The following DIAPH1 variants were observed in gnomAD, a reference collection of about 807,000 sequenced individuals.
DIAPH1 encodes the protein diaphanous related formin 1.
A neutral mutation model predicts 140.7 loss-of-function variants in DIAPH1; 46 were observed. The ratio of observed to expected loss-of-function variants is 0.33; its 90% CI spans 0.26 to 0.42. The LOEUF is 0.42. DIAPH1 is among the 10% of genes least tolerant of loss of function. The probability of loss-of-function intolerance (pLI) is 1.00; values close to 1 mark genes in which losing one functional copy is unlikely to be tolerated. For missense variants in DIAPH1, 1,310 were observed against 1,558.7 expected, an observed-to-expected ratio of 0.84 and a Z score of 2.69; for synonymous variants, 565 against 551.6, an observed-to-expected ratio of 1.02 and a Z score of -0.34.
Position 141,515,126 on chromosome 5 carries a change from C to G in DIAPH1, c.*1725G>C, listed in dbSNP as rs1338209745. On this transcript the variant is annotated 3_prime_UTR_variant, in exon 28 of 28. Transcript: ENST00000389054. ...AGGGAAATAGGTTTGCATTTTGTCC[C>G]TCACACCTCTCTCTCTCTCTCTTTT... 1.3e-5 allele frequency: 2 copies of G among 152,598 alleles called. No individual in the cohort carries two copies. Among genetic ancestry groups the G allele is most frequent in the African/African-American group, 4.8e-5 (2 of 41,440 alleles). 9.5% of individuals were successfully genotyped at this position (152,598 alleles called of 1,614,324 possible).
At chr5:141,586,258 G>A (rs1179318829) in intron 3 of DIAPH1, among the ~76,000 whole-genome samples, 1 of 152,202 alleles carries the variant, frequency 6.6e-6, no homozygotes, top group Non-Finnish European at 1.5e-5. Context: ...AATATTAAGA[G>A]ACAAACTGAA....
chr5:141,600,933 T>C (rs564113251), intron 1 of DIAPH1, among the ~76,000 whole-genome samples: 1 of 152,256 alleles, frequency 6.6e-6, no homozygotes, highest in Non-Finnish European at 1.5e-5. Flanking sequence ...TGTAGGAACA[T>C]GGATGAAGCT....
At chr5:141,606,907 T>C (rs1286102515) in intron 1 of DIAPH1, among the ~76,000 whole-genome samples, 4 of 148,312 alleles carry the variant, frequency 2.7e-5, no homozygotes, top group Non-Finnish European at 4.4e-5. Context: ...CAGTCTCCTA[T>C]ATTAGATCAC....
intron 1 of DIAPH1, chr5:141,618,534 T>C: frequency 2.8e-6 from 1 of 362,808 alleles, no homozygotes; most frequent in Non-Finnish European, 5.1e-6. Flanking sequence ...CGGCCGGGGA[T>C]ATGCGGGCGG....
chr5:141,573,959 G>T lies in DIAPH1; in HGVS notation c.1891C>A (p.Pro631Thr), dbSNP rs769926497. The T allele has an allele frequency of 1.3e-6, 2 of 1,551,812 alleles. No homozygotes were observed. Among genetic ancestry groups the T allele is most frequent in the African/African-American group, 1.4e-5 (1 of 72,960 alleles). ...ATAGCAGTACCTCCAGGTAAAGAAG[G>T]GGGTGAGGAGATGCAAACACCCCCA... ...LPGGVCISSP[P>T]SLPGGTAISP... Residue 631 changes from proline to threonine, a missense_variant, in exon 16 of 28, where the codon CCT becomes ACT. Coordinates refer to ENST00000389054, the MANE Select transcript of DIAPH1 (RefSeq NM_005219.5).
At chr5:141,518,673 C>A in intron 27 of DIAPH1, 1 of 469,810 alleles carries the variant, frequency 2.1e-6, no homozygotes, top group South Asian at 2.6e-5. Context: ...TAAGCATGTG[C>A]CACCATATCT....
intron 18 of DIAPH1, among the ~76,000 whole-genome samples, chr5:141,540,369 G>A (rs1391841865): frequency 2.6e-5 from 4 of 151,700 alleles, no homozygotes; most frequent in African/African-American, 4.8e-5. Flanking sequence ...TGCAACCTAC[G>A]CCTCCCGGGT....
chr5:141,529,741 TC>T, intron 19 of DIAPH1, 44 bp from the exon 20 acceptor site: 1 of 1,554,728 alleles, frequency 6.4e-7, no homozygotes, highest in Non-Finnish European at 8.9e-7. Context: ...CTCGGTCTGT[TC>T]CCGCTTCCAA....
intron 11 of DIAPH1, chr5:141,577,887 T>C: frequency 2.0e-6 from 1 of 499,152 alleles, no homozygotes; most frequent in Non-Finnish European, 3.6e-6. Context: ...CTGAAAATAT[T>C]AACAGGTAAC....
rs1356596414 is a variant in DIAPH1 at position 141,571,447 on chromosome 5, A to G, written c.2474-11T>C. 5 of 1,610,454 alleles carry G rather than the reference A, an allele frequency of 3.1e-6. No homozygotes were observed. Among genetic ancestry groups the G allele is most frequent in the African/African-American group, 1.3e-5 (1 of 74,674 alleles). On this transcript the variant is annotated splice_polypyrimidine_tract_variant and intron_variant, in intron 17 of 27. Coordinates refer to ENST00000389054, the MANE Select transcript of DIAPH1 (RefSeq NM_005219.5). Reference sequence around the variant, plus strand: ...TCTTACCTTTGGAAGCTTCAGGAGCAAAGTGCCAGGAGGGAGAAGGCATCC... The same window carrying G: ...TCTTACCTTTGGAAGCTTCAGGAGCGAAGTGCCAGGAGGGAGAAGGCATCC...
intron 18 of DIAPH1, among the ~76,000 whole-genome samples, chr5:141,555,458 C>T (rs2099892416): frequency 6.6e-6 from 1 of 152,154 alleles, no homozygotes; most frequent in South Asian, 2.1e-4. Flanking sequence ...TTGCTGCCTT[C>T]CCAGCCTTCT....
intron 3 of DIAPH1, 107 bp downstream of exon 3, chr5:141,586,935 T>C: frequency 8.3e-7 from 1 of 1,198,972 alleles, no homozygotes; most frequent in Non-Finnish European, 1.2e-6. Context: ...ATGTTAAGCC[T>C]GGAATTCTTT....
Position 141,524,057 on chromosome 5 carries a change from T to C in DIAPH1, c.3661+86A>G, listed in dbSNP as rs1596335408. The C allele has an allele frequency of 3.6e-6, 4 of 1,107,474 alleles. No homozygotes were observed. The East Asian group carries it at 9.4e-5, about 26-fold the overall frequency. The allele number at this position is 1,107,474 out of a possible 1,614,324, so 68.6% of individuals were successfully genotyped here. A position where few individuals can be genotyped will look rare whatever the true frequency, so the allele number is the denominator to read the frequency against. Reference sequence around the variant, plus strand: ...GACTAAAAAGATGCTTAGAGCATCATTATTTGCTCTTTAGCCGCAGACTGG... The same window carrying C: ...GACTAAAAAGATGCTTAGAGCATCACTATTTGCTCTTTAGCCGCAGACTGG... On this transcript the variant is annotated intron_variant, in intron 27 of 27. Transcript: ENST00000389054.
intron 5 of DIAPH1, 89 bp downstream of exon 5, chr5:141,583,396 C>T (rs2099897065): frequency 6.2e-7 from 1 of 1,609,950 alleles, no homozygotes; most frequent in African/African-American, 1.3e-5. Context: ...AGACTATTCT[C>T]ATGCTTCCCT....
At chr5:141,602,231 T>C (rs1331662993) in intron 1 of DIAPH1, among the ~76,000 whole-genome samples, 1 of 152,198 alleles carries the variant, frequency 6.6e-6, no homozygotes, top group Non-Finnish European at 1.5e-5. Context: ...AAATTTTTTT[T>C]TTTGAGACGA....
In DIAPH1 at chr5:141,516,597, C is replaced by T. The variant is rs771538799; in HGVS notation, c.*254G>A. 163 of 547,598 alleles carry T rather than the reference C, an allele frequency of 3.0e-4. No individual in the cohort carries two copies. Among genetic ancestry groups the T allele is most frequent in the Non-Finnish European group, 4.0e-4 (120 of 303,004 alleles). The allele number at this position is 547,598 out of a possible 1,614,324, so 33.9% of individuals were successfully genotyped here. On this transcript the variant is annotated 3_prime_UTR_variant, in exon 28 of 28. Transcript: ENST00000389054. ...AGGGTTAAGGCAGCAAACATGGACCCTGCTTTGGTAATACAACAGCCAGGG... is the reference window on the plus strand; with the variant it reads ...AGGGTTAAGGCAGCAAACATGGACCTTGCTTTGGTAATACAACAGCCAGGG...
At chr5:141,562,780 C>A (rs1312540239) in intron 18 of DIAPH1, among the ~76,000 whole-genome samples, 1 of 152,144 alleles carries the variant, frequency 6.6e-6, no homozygotes, top group East Asian at 1.9e-4. Context: ...TCAGGTCCAA[C>A]AATTCCCAAA....
chr5:141,578,662 A>T, intron 9 of DIAPH1, 37 bp from the exon 10 acceptor site: 1 of 1,461,438 alleles, frequency 6.8e-7, no homozygotes, highest in Non-Finnish European at 9.6e-7. Flanking sequence ...GTCAATGCTA[A>T]CTCCTGGAGA....
intron 1 of DIAPH1, among the ~76,000 whole-genome samples, chr5:141,591,674 AAAGG>A (rs1024406247): frequency 2.8e-5 from 4 of 140,516 alleles, no homozygotes; most frequent in African/African-American, 1.1e-4. Flanking sequence ...TTTAGATGGA[AAAGG>A]AAGGAAGGGA....
Sources: allele counts gnomAD v4.1 joint callset (sites outside exome capture counted in the v4.1 genomes callset), GRCh38; gene constraint gnomAD v4.1.1; transcripts MANE v1.5; gene names NCBI Gene and HGNC (gene_info 2026-07-23, HGNC 2026-07-21).